Variants in SPAST observed in about 807,000 individuals in gnomAD.
SPAST encodes the protein spastic paraplegia 4 (autosomal dominant; spastin).
A neutral mutation model predicts 76.6 loss-of-function variants in SPAST; 30 were observed. The ratio of observed to expected loss-of-function variants is 0.39; its 90% CI spans 0.29 to 0.53. The LOEUF (loss-of-function observed/expected upper bound fraction) is 0.53. SPAST is among the 20% of genes least tolerant of loss of function. The probability of loss-of-function intolerance (pLI) is 0.68; values close to 1 mark genes in which losing one functional copy is unlikely to be tolerated. For missense variants in SPAST, 717 were observed against 770.5 expected, an observed-to-expected ratio of 0.93 and a Z score of 0.82; for synonymous variants, 305 against 281.0, an observed-to-expected ratio of 1.09 and a Z score of -0.86.
chr2:32,087,498 A>G lies in SPAST; in HGVS notation c.422A>G (p.Gln141Arg), dbSNP rs1399983576. The G allele has an allele frequency of 1.2e-6, 2 of 1,600,212 alleles. No homozygotes were observed. The highest frequency in any genetic ancestry group is 1.7e-6 in the Non-Finnish European group (2 of 1,168,360). The change falls in exon 2 of 17, where the codon CAG becomes CGG. Residue 141 changes from glutamine (Q) to arginine (R), a missense_variant. Gln to Arg is a conservative substitution (Grantham distance 43, BLOSUM62 1). This residue lies in a region of SPAST where 543 missense variants were observed against 445.2 expected (regional missense o/e 1.22). Coordinates refer to ENST00000315285, the MANE Select transcript of SPAST (RefSeq NM_014946.4). ...LRIDEDEKAG[Q>R]KEQAVEWYKK... ...ATAATTTTTTATTTTAAAGCAGGAC[A>G]GAAGGAGCAAGCTGTGGAATGGTAT...
At chr2:32,144,868 G>C in intron 14 of SPAST, 69 bp from the exon 15 acceptor site, 1 of 1,058,008 alleles carries the variant, frequency 9.5e-7, no homozygotes, top group Non-Finnish European at 1.4e-6. Context: ...TGGGCAACAA[G>C]AGCAAAACTC....
chr2:32,072,322 C>T (rs1462693135), intron 1 of SPAST, among the ~76,000 whole-genome samples: 1 of 152,186 alleles, frequency 6.6e-6, no homozygotes, highest in African/African-American at 2.4e-5. Flanking sequence ...GGATTACAGG[C>T]GTGAGCCACT....
At chr2:32,146,712 A>G (rs528540282) in intron 15 of SPAST, among the ~76,000 whole-genome samples, 5 of 151,898 alleles carry the variant, frequency 3.3e-5, no homozygotes, top group Non-Finnish European at 7.4e-5. Context: ...TGAAAATACA[A>G]AAATTAGCCA....
At chr2:32,101,616 T>G (rs62142111) in intron 4 of SPAST, among the ~76,000 whole-genome samples, 1,587 of 152,324 alleles carry the variant, frequency 0.01, 15 homozygotes, top group Non-Finnish European at 0.015. Context: ...AGAACTAACA[T>G]TTAAGTCTTT....
chr2:32,137,634 C>T (rs1679581111), intron 12 of SPAST, among the ~76,000 whole-genome samples: 1 of 152,162 alleles, frequency 6.6e-6, no homozygotes, highest in South Asian at 2.1e-4. Flanking sequence ...TACAATATTG[C>T]TCCATTGTTT....
intron 7 of SPAST, among the ~76,000 whole-genome samples, chr2:32,120,818 A>G (rs1174503265): frequency 6.6e-6 from 1 of 152,172 alleles, no homozygotes; most frequent in Non-Finnish European, 1.5e-5. Flanking sequence ...TAACTGAGAA[A>G]AGGTTGTGTG....
At chr2:32,153,641 C>T (rs1370134027) in intron 16 of SPAST, among the ~76,000 whole-genome samples, 2 of 151,826 alleles carry the variant, frequency 1.3e-5, no homozygotes, top group Non-Finnish European at 2.9e-5. Flanking sequence ...TTTTCTATTG[C>T]CTGGACTCTG....
At chr2:32,093,064 G>T (rs1236752458) in intron 3 of SPAST, among the ~76,000 whole-genome samples, 1 of 150,212 alleles carries the variant, frequency 6.7e-6, no homozygotes, top group Non-Finnish European at 1.5e-5. Flanking sequence ...CACTTTGGGA[G>T]ACTGAGGCGA....
chr2:32,143,199 T>G (rs1679778912), intron 13 of SPAST, 137 bp from the exon 14 acceptor site: 1 of 576,854 alleles, frequency 1.7e-6, no homozygotes, highest in African/African-American at 1.9e-5. Flanking sequence ...ACCCAGGATA[T>G]CGAGGCTATA....
intron 1 of SPAST, among the ~76,000 whole-genome samples, chr2:32,081,833 T>C (rs1180023278): frequency 3.6e-5 from 5 of 139,266 alleles, no homozygotes; most frequent in African/African-American, 1.3e-4. Context: ...AATGCTGGGC[T>C]CATCTCTGCT....
At chr2:32,115,340 G>GT (rs2148733679) in intron 5 of SPAST, among the ~76,000 whole-genome samples, 2 of 152,088 alleles carry the variant, frequency 1.3e-5, no homozygotes, top group Non-Finnish European at 2.9e-5. Context: ...TACCCAGTCT[G>GT]TTTTATATAA....
chr2:32,093,463 C>A (rs1234987113), intron 3 of SPAST, among the ~76,000 whole-genome samples: 1 of 152,186 alleles, frequency 6.6e-6, no homozygotes, highest in African/African-American at 2.4e-5. Context: ...GCCTGGATGA[C>A]AGAGTGAGAC....
At chr2:32,112,628 A>G (rs1007065572) in intron 4 of SPAST, among the ~76,000 whole-genome samples, 7 of 152,022 alleles carry the variant, frequency 4.6e-5, no homozygotes, top group South Asian at 2.1e-4. Context: ...TTACAGGCGT[A>G]AGCCACCACG....
chr2:32,070,906 A>G (rs540652874), intron 1 of SPAST, among the ~76,000 whole-genome samples: 94 of 152,344 alleles, frequency 6.2e-4, no homozygotes, highest in African/African-American at 2.1e-3. Flanking sequence ...GCCATTTTAT[A>G]TAAGGAGAAG....
intron 1 of SPAST, among the ~76,000 whole-genome samples, chr2:32,080,187 C>T (rs1313481353): frequency 6.6e-6 from 1 of 152,156 alleles, no homozygotes; most frequent in Non-Finnish European, 1.5e-5. Context: ...TGATGCTCAG[C>T]ATTTTGTCAT....
At chr2:32,152,892 C>G (rs2280972) in intron 16 of SPAST, among the ~76,000 whole-genome samples, 1 of 151,652 alleles carries the variant, frequency 6.6e-6, no homozygotes, top group East Asian at 1.9e-4. Flanking sequence ...AGACTACAGG[C>G]GTGCGCCACC....
intron 16 of SPAST, among the ~76,000 whole-genome samples, chr2:32,153,065 G>GT (rs1403193679): frequency 6.6e-6 from 1 of 151,780 alleles, no homozygotes. Context: ...TTAACTATAT[G>GT]TTTTTTTCTT....
intron 9 of SPAST, among the ~76,000 whole-genome samples, chr2:32,135,923 C>T (rs1337522612): frequency 1.3e-5 from 2 of 151,748 alleles, no homozygotes; most frequent in African/African-American, 4.8e-5. Context: ...ACTAAAAATA[C>T]AAAAATTAGC....
chr2:32,145,171 A>C (rs1032809023), intron 15 of SPAST, among the ~76,000 whole-genome samples, 164 bp downstream of exon 15: 1 of 152,082 alleles, frequency 6.6e-6, no homozygotes, highest in African/African-American at 2.4e-5. Flanking sequence ...AGTTCACTGC[A>C]GCCTCGAACC....
Sources: gnomAD v4.1 joint callset for allele counts (sites outside exome capture counted in the v4.1 genomes callset) on GRCh38, gnomAD v4.1.1 for gene constraint, gnomAD v4.1.1 regional missense constraint, MANE v1.5 for transcripts, NCBI Gene and HGNC (gene_info 2026-07-23, HGNC 2026-07-21) for gene names.